Variants in STAU1 observed in about 807,000 individuals in gnomAD.
STAU1 encodes staufen double-stranded RNA binding protein 1, also known as double-stranded RNA-binding protein Staufen homolog 1.
STAU1 carries 13 observed loss-of-function variants against 62.9 expected under a neutral mutation model. The ratio of observed to expected loss-of-function variants is 0.21; its 90% CI spans 0.13 to 0.33. The LOEUF (loss-of-function observed/expected upper bound fraction) is 0.33, where lower values mean the gene tolerates loss of function less well. Ranked by LOEUF, STAU1 falls within the 10% of genes least tolerant of loss-of-function variation. The pLI is 1.00. For synonymous variants in STAU1, 269 were observed against 265.1 expected, an observed-to-expected ratio of 1.01 and a Z score of -0.14; for missense variants, 571 against 712.1, an observed-to-expected ratio of 0.80 and a Z score of 2.25.
intron 5 of STAU1, among the ~76,000 whole-genome samples, chr20:49,143,062 A>G (rs969829133): frequency 1.3e-5 from 2 of 152,118 alleles, no homozygotes; most frequent in African/African-American, 4.8e-5. Flanking sequence ...CAGCCTCCCA[A>G]AGTACTGGAA....
In STAU1 at chr20:49,123,116, C is replaced by T. The variant is rs1481225253; in HGVS notation, c.942G>A (p.Pro314=). ...CCTGCATCACAAACTCCCTGCGGCGCGGGAGGCCTCGCTCTGTGAGGAGCG... is the reference window on the plus strand; with the variant it reads ...CCTGCATCACAAACTCCCTGCGGCGTGGGAGGCCTCGCTCTGTGAGGAGCG... ...EYTLLTERGL[P]RRREFVMQVK... is the part of the protein sequence containing the mutation. Residue 314 remains proline, a synonymous_variant, in exon 8 of 14, where the codon CCG becomes CCA. Transcript: ENST00000371856. 18 of 1,610,546 alleles carry T rather than the reference C, an allele frequency of 1.1e-5. No homozygotes were observed. The highest frequency in any genetic ancestry group is 4.5e-5 in the East Asian group (2 of 44,796).
upstream of STAU1, among the ~76,000 whole-genome samples, chr20:49,192,454 T>C (rs1732047107): frequency 6.6e-6 from 1 of 151,656 alleles, no homozygotes; most frequent in South Asian, 2.1e-4. Context: ...ACAAGAAATA[T>C]GCACAATCTG....
intron 1 of STAU1, among the ~76,000 whole-genome samples, chr20:49,179,616 G>A (rs1460038680): frequency 6.6e-6 from 1 of 152,200 alleles, no homozygotes; most frequent in Admixed American, 6.6e-5. Flanking sequence ...CTAGCATTCT[G>A]CATAAAATCA....
intron 8 of STAU1, 94 bp from the exon 9 acceptor site, chr20:49,120,222 TCAG>T (rs1372069398): frequency 7.0e-7 from 1 of 1,438,462 alleles, no homozygotes; most frequent in East Asian, 2.4e-5. Flanking sequence ...CCAACTATGG[TCAG>T]AAGCAAGATA....
chr20:49,158,300 T>C, intron 3 of STAU1: 1 of 600,982 alleles, frequency 1.7e-6, no homozygotes, highest in Non-Finnish European at 2.5e-6. Flanking sequence ...AAGAAAAAAT[T>C]AATTGAAGCT....
intron 5 of STAU1, among the ~76,000 whole-genome samples, chr20:49,140,792 G>T (rs2092989704): frequency 6.6e-6 from 1 of 152,132 alleles, no homozygotes; most frequent in Non-Finnish European, 1.5e-5. Flanking sequence ...AATTTTAGAT[G>T]TATATTTTGC....
chr20:49,161,068 C>T (rs1246283080), intron 3 of STAU1, among the ~76,000 whole-genome samples: 2 of 151,984 alleles, frequency 1.3e-5, no homozygotes, highest in Admixed American at 1.3e-4. Context: ...CCTGTAATCC[C>T]AGCATTTTGG....
At chr20:49,126,603 A>AC (rs2092630729) in intron 6 of STAU1, among the ~76,000 whole-genome samples, 1 of 138,352 alleles carries the variant, frequency 7.2e-6, no homozygotes, top group African/African-American at 2.6e-5. Context: ...AAAAAACAAA[A>AC]AAACTTAAAA....
chr20:49,125,829 T>C (rs752942903), intron 6 of STAU1, among the ~76,000 whole-genome samples: 14 of 151,446 alleles, frequency 9.2e-5, no homozygotes, highest in Non-Finnish European at 1.3e-4. Context: ...GGTGACAGAG[T>C]GGGACTCCGT....
At chr20:49,217,248 A>G in the STAU1 span, among the ~76,000 whole-genome samples, 1 of 152,104 alleles carries the variant, frequency 6.6e-6, no homozygotes, top group East Asian at 1.9e-4. Flanking sequence ...AACAAGACCC[A>G]AGTTCCCGCT....
chr20:49,201,269 T>C, the STAU1 span, among the ~76,000 whole-genome samples: 3 of 151,948 alleles, frequency 2.0e-5, no homozygotes, highest in African/African-American at 7.3e-5. Context: ...CAAGGATGTC[T>C]GAGGATACGA....
intron 2 of STAU1, among the ~76,000 whole-genome samples, chr20:49,170,111 G>A (rs2093578178): frequency 6.6e-6 from 1 of 152,158 alleles, no homozygotes; most frequent in African/African-American, 2.4e-5. Flanking sequence ...GTACTAAAAA[G>A]TGGTCACAAA....
At chr20:49,124,088 C>A (rs1409376440) in intron 7 of STAU1, among the ~76,000 whole-genome samples, 1 of 152,230 alleles carries the variant, frequency 6.6e-6, no homozygotes, top group Admixed American at 6.5e-5. Context: ...GCCCCACAGA[C>A]CGGCATGGCG....
intron 6 of STAU1, among the ~76,000 whole-genome samples, chr20:49,132,919 A>G (rs1324910302): frequency 6.6e-6 from 1 of 152,242 alleles, no homozygotes; most frequent in Non-Finnish European, 1.5e-5. Flanking sequence ...TTCAGTAACT[A>G]TTTCCTAAAC....
rs571207743 is a variant in STAU1 at position 49,114,770 on chromosome 20, G to T, written c.*108C>A. ...CTGCTGCCCACATCCTTTACCCACC[G>T]TGTCTCTCGGCCCACTGGAGGTATC... On this transcript the variant is annotated 3_prime_UTR_variant, in exon 14 of 14. Transcript: ENST00000371856. 8 of 1,028,600 alleles carry T rather than the reference G, an allele frequency of 7.8e-6. No homozygotes were observed. The highest frequency in any genetic ancestry group is 1.2e-5 in the Non-Finnish European group (8 of 667,656). 63.7% of individuals were successfully genotyped at this position (1,028,600 alleles called of 1,614,324 possible). A position where few individuals can be genotyped will look rare whatever the true frequency, so the allele number is the denominator to read the frequency against.
At chr20:49,169,998 G>A (rs573475763) in intron 2 of STAU1, among the ~76,000 whole-genome samples, 1 of 152,300 alleles carries the variant, frequency 6.6e-6, no homozygotes, top group Non-Finnish European at 1.5e-5. Flanking sequence ...TGCTTTGGCT[G>A]GCAGTTACCG....
intron 1 of STAU1, 98 bp from the exon 2 acceptor site, chr20:49,174,367 G>C (rs2093632762): frequency 6.6e-6 from 1 of 152,190 alleles, no homozygotes; most frequent in Non-Finnish European, 1.5e-5. Flanking sequence ...TAATTTACAA[G>C]TAGGGAAGAC....
At chr20:49,202,238 G>C in the STAU1 span, among the ~76,000 whole-genome samples, 17 of 135,672 alleles carry the variant, frequency 1.3e-4, no homozygotes, top group African/African-American at 4.5e-4. Context: ...AAAAAAGAAA[G>C]AAAGAAAGAA....
intron 3 of STAU1, among the ~76,000 whole-genome samples, chr20:49,161,003 C>G (rs541101739): frequency 5.3e-5 from 8 of 152,188 alleles, no homozygotes; most frequent in African/African-American, 1.9e-4. Context: ...TCCCAAACAA[C>G]CATACACTAT....
Sources: gnomAD v4.1 joint callset for allele counts (sites outside exome capture counted in the v4.1 genomes callset) on GRCh38, gnomAD v4.1.1 for gene constraint, MANE v1.5 for transcripts, NCBI Gene and HGNC (gene_info 2026-07-23, HGNC 2026-07-21) for gene names.